The following TTC6 variants were observed in gnomAD, a reference collection of about 807,000 sequenced individuals.
The protein encoded by TTC6 is tetratricopeptide repeat protein 6.
TTC6 carries 172 observed loss-of-function variants against 210.4 expected under a neutral mutation model. The observed-to-expected ratio is 0.82, with a 90% CI of 0.72 to 0.93. TTC6 has a LOEUF of 0.93. TTC6 is among the 40% of genes least tolerant of loss of function. TTC6 has a pLI of 0.00. For synonymous variants in TTC6, 804 were observed against 819.6 expected (o/e 0.98, Z 0.32); for missense variants, 2,414 against 2,318.1 (o/e 1.04, Z -0.85).
At chr14:37,828,469 G>A (rs1392230673) in intron 29 of TTC6, among the ~76,000 whole-genome samples, 1 of 151,960 alleles carries the variant, frequency 6.6e-6, no homozygotes, top group African/African-American at 2.4e-5. Context: ...TGTAATGTTT[G>A]CTTGTTTAGC....
chr14:37,619,291 T>C (rs1340460530), upstream of TTC6, among the ~76,000 whole-genome samples: 1 of 152,122 alleles, frequency 6.6e-6, no homozygotes, highest in Non-Finnish European at 1.5e-5. Flanking sequence ...TGATGAGCTC[T>C]TCGTGTAGCA....
chr14:37,774,283 C>T (rs2096030198), intron 14 of TTC6, among the ~76,000 whole-genome samples: 1 of 152,020 alleles, frequency 6.6e-6, no homozygotes, highest in African/African-American at 2.4e-5. Flanking sequence ...GTGGCCAGGA[C>T]TTCCAGTACT....
intron 3 of TTC6, among the ~76,000 whole-genome samples, chr14:37,694,323 G>T (rs1566892912): frequency 6.6e-6 from 1 of 152,102 alleles, no homozygotes; most frequent in African/African-American, 2.4e-5. Context: ...CTCAAAAGAA[G>T]ACATACAAAT....
chr14:37,724,863 A>G (rs2095868551), intron 6 of TTC6, 35 bp from the exon 9 acceptor site: 1 of 1,296,560 alleles, frequency 7.7e-7, no homozygotes, highest in Middle Eastern at 1.9e-4. Context: ...GCCATTTCTT[A>G]CCATTTCTAA....
intron 14 of TTC6, among the ~76,000 whole-genome samples, chr14:37,762,788 T>A (rs1392371012): frequency 6.6e-6 from 1 of 152,312 alleles, no homozygotes; most frequent in Non-Finnish European, 1.5e-5. Context: ...TTACATTGAT[T>A]TATTTACACG....
chr14:37,660,252 A>G (rs1352408277), intron 1 of TTC6, among the ~76,000 whole-genome samples: 1 of 150,944 alleles, frequency 6.6e-6, no homozygotes, highest in Admixed American at 6.6e-5. Flanking sequence ...TAGTTCTGGG[A>G]TACGTGTGCA....
At chr14:37,769,898 G>T (rs1191327716) in intron 14 of TTC6, among the ~76,000 whole-genome samples, 1 of 151,810 alleles carries the variant, frequency 6.6e-6, no homozygotes, top group African/African-American at 2.4e-5. Flanking sequence ...TGATGTTAGG[G>T]TGTCAATTTT....
chr14:37,809,629 G>A (rs1319023127), intron 24 of TTC6, among the ~76,000 whole-genome samples: 1 of 152,180 alleles, frequency 6.6e-6, no homozygotes, highest in Non-Finnish European at 1.5e-5. Context: ...GACCACACAT[G>A]TAGCAGGGAG....
At chr14:37,654,519 T>A (rs2095718445) in intron 1 of TTC6, among the ~76,000 whole-genome samples, 1 of 152,148 alleles carries the variant, frequency 6.6e-6, no homozygotes, top group South Asian at 2.1e-4. Flanking sequence ...CAGAAGCAGA[T>A]GCCGCTATGC....
At chr14:37,694,549 T>C (rs1215920518) in intron 3 of TTC6, among the ~76,000 whole-genome samples, 1 of 152,100 alleles carries the variant, frequency 6.6e-6, no homozygotes, top group Non-Finnish European at 1.5e-5. Flanking sequence ...AGAACTACCA[T>C]ATGATACAGC....
intron 29 of TTC6, among the ~76,000 whole-genome samples, chr14:37,828,496 T>C (rs1199449435): frequency 6.6e-6 from 1 of 152,102 alleles, no homozygotes; most frequent in Non-Finnish European, 1.5e-5. Context: ...GAAATACACA[T>C]AACATAAACT....
chr14:37,739,058 C>T (rs1287717872), exon 10 of TTC6: 12 of 1,534,328 alleles, frequency 7.8e-6, no homozygotes, highest in Non-Finnish European at 9.6e-6. Flanking sequence ...CATTGTTTAT[C>T]CCAAGAAAAA....
chr14:37,748,010 T>C (rs1490490794), intron 10 of TTC6, among the ~76,000 whole-genome samples: 1 of 152,142 alleles, frequency 6.6e-6, no homozygotes, highest in Non-Finnish European at 1.5e-5. Flanking sequence ...GGGAAGCTCC[T>C]GGAGGAGTGA....
At chr14:37,802,223 C>G (rs186572708) in intron 20 of TTC6, 42 of 152,140 alleles carry the variant, frequency 2.8e-4, no homozygotes, top group African/African-American at 7.5e-4. Context: ...ACAACACACA[C>G]TGGGGCCTGT....
At chr14:37,729,360 A>G (rs1440488505) in intron 7 of TTC6, among the ~76,000 whole-genome samples, 1 of 152,188 alleles carries the variant, frequency 6.6e-6, no homozygotes, top group African/African-American at 2.4e-5. Context: ...GCATCCGTGA[A>G]AATATGATGC....
intron 3 of TTC6, among the ~76,000 whole-genome samples, chr14:37,692,585 G>T (rs981232915): frequency 6.6e-6 from 1 of 152,190 alleles, no homozygotes; most frequent in South Asian, 2.1e-4. Flanking sequence ...TTTTACCGGT[G>T]TGGTGGCTCA....
upstream of TTC6, among the ~76,000 whole-genome samples, chr14:37,619,977 G>C (rs1276203436): frequency 6.6e-6 from 1 of 151,904 alleles, no homozygotes; most frequent in Non-Finnish European, 1.5e-5. Context: ...CTATTTAGTT[G>C]AATCTTTCTT....
At chr14:37,788,386 A>G (rs1826433144) in intron 15 of TTC6, among the ~76,000 whole-genome samples, 1 of 152,150 alleles carries the variant, frequency 6.6e-6, no homozygotes, top group South Asian at 2.1e-4. Flanking sequence ...CCTAGATTAG[A>G]CAGTGTCTAG....
chr14:37,729,878 G>GA (rs2095881511), intron 7 of TTC6, among the ~76,000 whole-genome samples: 1 of 152,112 alleles, frequency 6.6e-6, no homozygotes, highest in Non-Finnish European at 1.5e-5. Context: ...GTGAATGTAG[G>GA]GAGTTGAAGG....
Sources: allele counts gnomAD v4.1 joint callset (sites outside exome capture counted in the v4.1 genomes callset), GRCh38; gene constraint gnomAD v4.1.1; transcripts MANE v1.5; gene names NCBI Gene and HGNC (gene_info 2026-07-23, HGNC 2026-07-21).